MCC: variants seen among roughly 807,000 people sequenced by gnomAD.
MCC encodes the protein MCC regulator of Wnt signaling pathway.
MCC carries 90 observed loss-of-function variants against 116.2 expected under a neutral mutation model. The ratio of observed to expected loss-of-function variants is 0.77; its 90% CI spans 0.65 to 0.92. The LOEUF (loss-of-function observed/expected upper bound fraction) is 0.92, where lower values mean the gene tolerates loss of function less well. Among genes scored for constraint, MCC ranks in the 40% least tolerant of loss-of-function variants. MCC has a pLI of 0.00. For synonymous variants in MCC, 578 were observed against 510.5 expected, an observed-to-expected ratio of 1.13 and a Z score of -1.78; for missense variants, 1,516 against 1,312.2, an observed-to-expected ratio of 1.16 and a Z score of -2.40.
intron 3 of MCC, among the ~76,000 whole-genome samples, chr5:113,260,287 C>T (rs1348218519): frequency 6.6e-6 from 1 of 151,950 alleles, no homozygotes; most frequent in Non-Finnish European, 1.5e-5. Context: ...ACATATTAAC[C>T]TAGATACTTT....
rs1028054687 is a variant in MCC, at chr5:113,261,476, A to G, written c.627+79043T>C. On this transcript the variant is annotated intron_variant, in intron 3 of 18. Transcript: ENST00000408903. ...AAGAAGTTTGCCCACCTTTTCCTGA[A>G]CTTCTTCTGTATTAGACAAAATAGC... Among the ~76,000 whole-genome samples the G allele has an allele frequency of 3.9e-5, 6 of 152,122 alleles. No individual in the cohort carries two copies. In the East Asian group the frequency reaches 1.2e-3, roughly 29 times the overall value.
At chr5:113,214,406 C>T (rs1294604797) in intron 3 of MCC, among the ~76,000 whole-genome samples, 1 of 152,214 alleles carries the variant, frequency 6.6e-6, no homozygotes, top group Non-Finnish European at 1.5e-5. Context: ...TGTTCATTCG[C>T]TGCGCTCCTA....
At chr5:113,333,817 G>A (rs866459280) in intron 3 of MCC, among the ~76,000 whole-genome samples, 4,995 of 111,212 alleles carry the variant, frequency 0.045, 1,186 homozygotes, top group African/African-American at 0.2. Context: ...ATGTATATAT[G>A]TACATATATG....
chr5:113,211,632 A>G (rs1430545346), intron 3 of MCC, among the ~76,000 whole-genome samples: 1 of 152,182 alleles, frequency 6.6e-6, no homozygotes, highest in East Asian at 1.9e-4. Flanking sequence ...AGGCTCAGTG[A>G]CTGCTTTTTA....
At chr5:113,465,156 C>A (rs1580411016) in intron 1 of MCC, among the ~76,000 whole-genome samples, 1 of 147,826 alleles carries the variant, frequency 6.8e-6, no homozygotes. Context: ...AAATATTAAA[C>A]CATGTTATAA....
intron 2 of MCC, among the ~76,000 whole-genome samples, chr5:113,367,670 G>T (rs907116432): frequency 6.6e-6 from 1 of 150,898 alleles, no homozygotes; most frequent in Non-Finnish European, 1.5e-5. Flanking sequence ...GAGAGAGAGC[G>T]AGAGAGAGAA....
At position 113,224,865 on chromosome 5, in the gene MCC, G is replaced by A. The variant is rs543364974; in HGVS notation, c.628-73443C>T. ...AAAATGACTCCTTAGGAAAAGATTT[G>A]CCACATCATCAATTACATAGGGCAG... On this transcript the variant is annotated intron_variant, in intron 3 of 18. Transcript: ENST00000408903. Among the ~76,000 whole-genome samples the A allele has an allele frequency of 2.6e-5, 4 of 152,314 alleles. No individual in the cohort carries two copies. The South Asian group carries it at 8.3e-4, about 32-fold the overall frequency.
intron 1 of MCC, among the ~76,000 whole-genome samples, chr5:113,403,799 TG>T (rs1312515250): frequency 6.6e-6 from 1 of 152,198 alleles, no homozygotes; most frequent in East Asian, 1.9e-4. Context: ...AGCGGCTCAA[TG>T]GTAAAGTGAT....
intron 1 of MCC, among the ~76,000 whole-genome samples, chr5:113,440,319 A>C (rs1286008740): frequency 6.6e-6 from 1 of 152,044 alleles, no homozygotes; most frequent in Non-Finnish European, 1.5e-5. Context: ...GCTCTTTATC[A>C]TCTGGATCCT....
chr5:113,172,728 C>A (rs536630005), intron 3 of MCC, among the ~76,000 whole-genome samples: 8 of 152,184 alleles, frequency 5.3e-5, no homozygotes, highest in East Asian at 1.9e-4. Context: ...CAATGAAGAA[C>A]CTTAGAACAA....
chr5:113,163,373 A>G (rs577269888), intron 3 of MCC, among the ~76,000 whole-genome samples: 1 of 152,186 alleles, frequency 6.6e-6, no homozygotes, highest in Non-Finnish European at 1.5e-5. Flanking sequence ...AAAACAGAGA[A>G]ATATATAATT....
chr5:113,472,323 T>C (rs1772117264), intron 1 of MCC, among the ~76,000 whole-genome samples: 1 of 152,228 alleles, frequency 6.6e-6, no homozygotes, highest in South Asian at 2.1e-4. Context: ...CTGAGCATGG[T>C]GCATACTTCT....
intron 3 of MCC, among the ~76,000 whole-genome samples, chr5:113,257,368 C>A (rs984214683): frequency 1.3e-5 from 2 of 151,940 alleles, no homozygotes; most frequent in Non-Finnish European, 2.9e-5. Flanking sequence ...CCAAGGAACC[C>A]AGGAATAATG....
chr5:113,195,058 C>T (rs1762330305), intron 3 of MCC, among the ~76,000 whole-genome samples: 1 of 152,142 alleles, frequency 6.6e-6, no homozygotes, highest in South Asian at 2.1e-4. Context: ...AGTGATTGTG[C>T]CCTAGGCTTT....
intron 1 of MCC, among the ~76,000 whole-genome samples, chr5:113,406,094 TAAC>T (rs771835951): frequency 6.6e-5 from 10 of 152,148 alleles, no homozygotes; most frequent in Non-Finnish European, 1.3e-4. Context: ...ATCTTAGAAA[TAAC>T]AACCGAGAAA....
intron 3 of MCC, among the ~76,000 whole-genome samples, chr5:113,246,310 T>C (rs1226647523): frequency 2.6e-5 from 4 of 152,224 alleles, no homozygotes; most frequent in African/African-American, 9.6e-5. Flanking sequence ...ACTTTTTAAA[T>C]TGATAAGCTG....
At chr5:113,461,040 C>A (rs1020326714) in intron 1 of MCC, among the ~76,000 whole-genome samples, 5 of 152,194 alleles carry the variant, frequency 3.3e-5, no homozygotes, top group Non-Finnish European at 5.9e-5. Flanking sequence ...AGGAAGATGG[C>A]TTGAGGCCAG....
At chr5:113,290,609 G>A (rs535842089) in intron 3 of MCC, among the ~76,000 whole-genome samples, 1 of 152,050 alleles carries the variant, frequency 6.6e-6, no homozygotes, top group Non-Finnish European at 1.5e-5. Context: ...CAGATACCTG[G>A]GATTATTTAA....
chr5:113,238,725 G>A (rs1042422731), intron 3 of MCC, among the ~76,000 whole-genome samples: 10 of 152,206 alleles, frequency 6.6e-5, no homozygotes, highest in African/African-American at 2.2e-4. Context: ...TGGAAAGACT[G>A]CAATTCCATT....
Sources: gnomAD v4.1 joint callset for allele counts (sites outside exome capture counted in the v4.1 genomes callset) on GRCh38, gnomAD v4.1.1 for gene constraint, MANE v1.5 for transcripts, NCBI Gene and HGNC (gene_info 2026-07-23, HGNC 2026-07-21) for gene names.